Variants in SHTN1 observed in about 807,000 individuals in gnomAD.
The protein encoded by SHTN1 is shootin-1.
SHTN1 carries 42 observed loss-of-function variants against 83.1 expected under a neutral mutation model. The observed-to-expected ratio is 0.51, with a 90% CI of 0.39 to 0.65. SHTN1 has a LOEUF of 0.65. Ranked by LOEUF, SHTN1 falls within the 30% of genes least tolerant of loss-of-function variation. SHTN1 has a pLI of 0.00. For synonymous variants in SHTN1, 224 were observed against 247.7 expected, an observed-to-expected ratio of 0.90 and a Z score of 0.90; for missense variants, 622 against 737.8, an observed-to-expected ratio of 0.84 and a Z score of 1.82.
intron 2 of SHTN1, among the ~76,000 whole-genome samples, chr10:116,971,753 G>A (rs1413797805): frequency 6.6e-6 from 1 of 152,218 alleles, no homozygotes; most frequent in Non-Finnish European, 1.5e-5. Context: ...TCTGAAAAAT[G>A]TGAGATGTCT....
upstream of SHTN1, chr10:117,005,356 A>T (rs374216059): frequency 9.6e-6 from 12 of 1,251,968 alleles, no homozygotes; most frequent in Non-Finnish European, 1.1e-5. Context: ...GGCAGCCGCT[A>T]TGCCAGCCTG....
At chr10:117,019,422 A>C (rs1313186402) in intron 2 of SHTN1, among the ~76,000 whole-genome samples, 1 of 151,942 alleles carries the variant, frequency 6.6e-6, no homozygotes, top group East Asian at 1.9e-4. Context: ...GGGCTCAGGC[A>C]ATCCTCCTAC....
rs776875302 is a variant in SHTN1, at chr10:116,881,792, T to G, written c.*4552A>C. On this transcript the variant is annotated 3_prime_UTR_variant, in exon 17 of 17. Coordinates refer to ENST00000355371, the MANE Select transcript of SHTN1 (RefSeq NM_001127211.3). ...ACTTCACCAACTCTTGTGGTTTTTATTCTTCTAATTCCACTGTTTGGTAAA... is the reference window on the plus strand; with the variant it reads ...ACTTCACCAACTCTTGTGGTTTTTAGTCTTCTAATTCCACTGTTTGGTAAA... 48 of 707,114 alleles carry G rather than the reference T, an allele frequency of 6.8e-5. No homozygotes were observed. The highest frequency in any genetic ancestry group is 9.1e-5 in the Non-Finnish European group (44 of 484,560). 43.8% of individuals were successfully genotyped at this position (707,114 alleles called of 1,614,324 possible).
intron 1 of SHTN1, among the ~76,000 whole-genome samples, chr10:117,077,226 G>A (rs1853172530): frequency 6.6e-6 from 1 of 152,168 alleles, no homozygotes; most frequent in South Asian, 2.1e-4. Flanking sequence ...CTGATCAGGA[G>A]GAGGTATGAA....
At chr10:116,911,140 G>A (rs1046681839) in intron 14 of SHTN1, among the ~76,000 whole-genome samples, 3 of 152,162 alleles carry the variant, frequency 2.0e-5, no homozygotes, top group Non-Finnish European at 4.4e-5. Context: ...TTTTCTAAGT[G>A]AGGCATCTGT....
intron 12 of SHTN1, among the ~76,000 whole-genome samples, chr10:116,919,704 C>A (rs555092759): frequency 2.6e-5 from 4 of 152,084 alleles, no homozygotes. Flanking sequence ...ACGCTAATAG[C>A]CAGTAACCAA....
rs1181221341 is a variant in SHTN1 at position 116,987,926 on chromosome 10, AC to A, written c.59-8619del. On this transcript the variant is annotated intron_variant, in intron 1 of 16. Transcript: ENST00000355371. ...GACTCCGTCTCAAAAAAACAAACAAACAAAAAAAAAAACCGTGGGTGCCAAG... is the reference window on the plus strand; with the variant it reads ...GACTCCGTCTCAAAAAAACAAACAAAAAAAAAAAAAACCGTGGGTGCCAAG... 6.6e-5 allele frequency among the ~76,000 whole-genome samples: 10 copies of A among 151,376 alleles called. No individual in the cohort carries two copies. The South Asian group carries it at 2.2e-3, about 33-fold the overall frequency.
intron 16 of SHTN1, among the ~76,000 whole-genome samples, chr10:116,887,521 G>A (rs1160457051): frequency 6.6e-6 from 1 of 152,064 alleles, no homozygotes; most frequent in Non-Finnish European, 1.5e-5. Flanking sequence ...TTGGTGTTCC[G>A]CCAGGTGCCA....
intron 1 of SHTN1, among the ~76,000 whole-genome samples, chr10:117,098,367 A>T (rs2133626254): frequency 6.9e-6 from 1 of 144,300 alleles, no homozygotes; most frequent in East Asian, 2.1e-4. Context: ...ACTGCCCTCC[A>T]GCCTGGGCGA....
At chr10:117,063,564 G>T (rs1007782264) in intron 1 of SHTN1, among the ~76,000 whole-genome samples, 1 of 152,148 alleles carries the variant, frequency 6.6e-6, no homozygotes, top group Non-Finnish European at 1.5e-5. Flanking sequence ...TTTCTAGAGA[G>T]ATTTCTGTTT....
chr10:116,994,534 G>C (rs201149631), intron 1 of SHTN1, among the ~76,000 whole-genome samples: 2 of 151,950 alleles, frequency 1.3e-5, no homozygotes, highest in African/African-American at 4.8e-5. Flanking sequence ...AGAGGGAAGG[G>C]GAAGGGGAGA....
intron 1 of SHTN1, among the ~76,000 whole-genome samples, chr10:117,114,763 G>A (rs533622218): frequency 1.3e-5 from 2 of 152,304 alleles, no homozygotes; most frequent in South Asian, 4.1e-4. Flanking sequence ...GGTCCTTGAA[G>A]AGTTAACACA....
intron 7 of SHTN1, among the ~76,000 whole-genome samples, chr10:116,945,273 C>T (rs193229357): frequency 7.1e-4 from 108 of 152,254 alleles, no homozygotes; most frequent in Non-Finnish European, 1.2e-3. Context: ...AACACATGAG[C>T]ATATACAGAC....
At position 116,973,947 on chromosome 10, in the gene SHTN1, G is replaced by A. The variant is rs1288406177; in HGVS notation, c.112-5235C>T. On this transcript the variant is annotated intron_variant, in intron 2 of 16. Transcript: ENST00000355371. ...CTACTGCTCCACCTATGTAAGTCTG[G>A]CCAGAACTGTGCTTTCTGGATTTCT... 3.4e-5 allele frequency: 43 copies of A among 1,250,510 alleles called. No individual in the cohort carries two copies. The South Asian group carries it at 5.5e-4, about 16-fold the overall frequency. The allele number at this position is 1,250,510 out of a possible 1,614,324, so 77.5% of individuals were successfully genotyped here.
chr10:117,112,609 T>C (rs545941926), intron 1 of SHTN1, among the ~76,000 whole-genome samples: 5 of 152,304 alleles, frequency 3.3e-5, no homozygotes, highest in Middle Eastern at 3.4e-3. Flanking sequence ...CAGATAGACT[T>C]AGTGATTTGG....
chr10:116,895,803 G>A (rs1847496777), intron 16 of SHTN1, among the ~76,000 whole-genome samples: 1 of 152,204 alleles, frequency 6.6e-6, no homozygotes, highest in South Asian at 2.1e-4. Flanking sequence ...TCAGTTAGAA[G>A]TGTAATTTTG....
chr10:117,024,221 T>C (rs1852298679), intron 2 of SHTN1, among the ~76,000 whole-genome samples: 1 of 152,062 alleles, frequency 6.6e-6, no homozygotes, highest in Non-Finnish European at 1.5e-5. Flanking sequence ...CTGAACAGAG[T>C]TGCCTCTGAA....
Position 117,037,627 on chromosome 10 carries a change from AGACT to A in SHTN1, c.-123+10814_-123+10817del, listed in dbSNP as rs71013631. On this transcript the variant is annotated intron_variant, in intron 2 of 17. Coordinates refer to the SHTN1 transcript ENST00000392901. ...ATTGAAGGATAAGAACGCAGTTGGA[AGACT>A]GACACTACCCAGCTTTAAAACTTAC... Among the ~76,000 whole-genome samples, 789 of 152,322 alleles carry A rather than the reference AGACT, an allele frequency of 5.2e-3. 6 individuals carry two copies. The highest frequency in any genetic ancestry group is 0.017 in the Middle Eastern group (5 of 294).
In SHTN1 at chr10:116,960,974, G is replaced by T. The variant is rs1471336225; in HGVS notation, c.173-744C>A. On this transcript the variant is annotated intron_variant, in intron 3 of 16. Coordinates refer to ENST00000355371, the MANE Select transcript of SHTN1 (RefSeq NM_001127211.3). ...GGTGCATGTAAATTGAGATTTACAG[G>T]TATAAAGTGATTTAGAACTTGAGTT... Among the ~76,000 whole-genome samples, 8 of 152,156 alleles carry T rather than the reference G, an allele frequency of 5.3e-5. No homozygotes were observed. In the South Asian group the frequency reaches 1.7e-3, roughly 32 times the overall value.
Sources: gnomAD v4.1 joint callset for allele counts (sites outside exome capture counted in the v4.1 genomes callset) on GRCh38, gnomAD v4.1.1 for gene constraint, MANE v1.5 for transcripts, NCBI Gene and HGNC (gene_info 2026-07-23, HGNC 2026-07-21) for gene names.